SSR1: variants seen among roughly 807,000 people sequenced by gnomAD.
The protein encoded by SSR1 is translocon-associated protein subunit alpha.
Under a neutral mutation model 36.1 loss-of-function variants are expected in SSR1, and 13 were observed. The observed-to-expected ratio is 0.36, with a 90% confidence interval of 0.23 to 0.57. SSR1 has a LOEUF of 0.57. SSR1 is among the 20% of genes least tolerant of loss of function. The probability of loss-of-function intolerance (pLI) is 0.81; values close to 1 mark genes in which losing one functional copy is unlikely to be tolerated. For synonymous variants in SSR1, 113 were observed against 118.9 expected (o/e 0.95, Z 0.32); for missense variants, 291 against 338.5 (o/e 0.86, Z 1.10).
intron 6 of SSR1, 70 bp downstream of exon 6, chr6:7,297,853 A>T (rs1436450716): frequency 8.2e-7 from 1 of 1,221,438 alleles, no homozygotes; most frequent in African/African-American, 1.5e-5. Context: ...AGGCCGAAGA[A>T]CTAGACTGCT....
At chr6:7,297,173 T>C in intron 6 of SSR1, 1 of 279,604 alleles carries the variant, frequency 3.6e-6, no homozygotes, top group South Asian at 2.7e-5. Flanking sequence ...TAAGCAAGAT[T>C]GTGCCACTGC....
chr6:7,296,107 A>G (rs1334563705), intron 6 of SSR1, among the ~76,000 whole-genome samples: 1 of 152,236 alleles, frequency 6.6e-6, no homozygotes, highest in African/African-American at 2.4e-5. Context: ...AATCTCATTA[A>G]GCTAACCACC....
intron 2 of SSR1, among the ~76,000 whole-genome samples, chr6:7,306,698 C>CCT (rs1226157641): frequency 1.3e-5 from 2 of 151,036 alleles, no homozygotes; most frequent in Non-Finnish European, 3.0e-5. Context: ...GGGCGGATCA[C>CCT]GAGGTCAGGA....
chr6:7,298,344 TAA>T (rs1434128615), intron 5 of SSR1, among the ~76,000 whole-genome samples: 3 of 152,246 alleles, frequency 2.0e-5, no homozygotes, highest in Non-Finnish European at 2.9e-5. Flanking sequence ...GAATTATATA[TAA>T]GTTTAGAGTA....
At chr6:7,298,480 A>G (rs999799712) in intron 5 of SSR1, 9 of 409,230 alleles carry the variant, frequency 2.2e-5, no homozygotes, top group East Asian at 7.9e-5. Context: ...GTTTATAAGC[A>G]TGAGGTAGAA....
At chr6:7,311,841 T>G (rs749147445) in intron 1 of SSR1, among the ~76,000 whole-genome samples, 2 of 152,346 alleles carry the variant, frequency 1.3e-5, no homozygotes, top group Non-Finnish European at 2.9e-5. Flanking sequence ...TTGAAAGTTT[T>G]TATAACTTGA....
At position 7,288,277 on chromosome 6, in the gene SSR1, C is replaced by T. The variant is rs1757598978; in HGVS notation, c.*1587G>A. The stretch of plus-strand genomic sequence containing the variant: ...ATGCAGTTACTTAGAGCTCATAGAG[C>T]TTTCTCAAAATCAACTACTGATCAT... On this transcript the variant is annotated 3_prime_UTR_variant, in exon 8 of 8. Transcript: ENST00000244763. The T allele has an allele frequency of 6.6e-6, 1 of 152,200 alleles. No individual in the cohort carries two copies. Among genetic ancestry groups the T allele is most frequent in the Admixed American group, 6.5e-5 (1 of 15,280 alleles). 9.4% of individuals were successfully genotyped at this position (152,200 alleles called of 1,614,324 possible). A position where few individuals can be genotyped will look rare whatever the true frequency, so the allele number is the denominator to read the frequency against.
In SSR1 at chr6:7,298,790, TTTGA is replaced by T; in HGVS notation, c.573_576del (p.Asn191LysfsTer12). On this transcript the variant is annotated frameshift_variant, in exon 5 of 8. Transcript: ENST00000244763. LOFTEE classifies it high-confidence loss of function. ...TCCTCTCTTTCAATAACTGTAACTG[TTTGA>T]TTGAAGACTGCATCTTGGAATACAT... is the stretch of plus-strand genomic sequence containing the variant. 2 of 1,613,470 alleles carry T rather than the reference TTTGA, an allele frequency of 1.2e-6. No individual in the cohort carries two copies. The highest frequency in any genetic ancestry group is 1.3e-5 in the African/African-American group (1 of 75,040).
rs1337750668 is a variant in SSR1 at position 7,284,851 on chromosome 6, T to G, written c.*5013A>C. ...GGCTGATACTTCAAGCATATCTCAA[T>G]TAACAAAAAAGCACATTGAGACTCC... On this transcript the variant is annotated 3_prime_UTR_variant, in exon 8 of 8. Coordinates refer to ENST00000244763, the MANE Select transcript of SSR1 (RefSeq NM_003144.5). The G allele has an allele frequency of 2.0e-5, 3 of 151,964 alleles. No individual in the cohort carries two copies. The highest frequency in any genetic ancestry group is 7.3e-5 in the African/African-American group (3 of 41,356). 9.4% of individuals were successfully genotyped at this position (151,964 alleles called of 1,614,324 possible). A position where few individuals can be genotyped will look rare whatever the true frequency, so the allele number is the denominator to read the frequency against.
At position 7,295,393 on chromosome 6, in the gene SSR1, G is replaced by C. The variant is rs778131647; in HGVS notation, c.792C>G (p.Ile264Met). The C allele has an allele frequency of 3.1e-6, 5 of 1,606,940 alleles. No homozygotes were observed. Among genetic ancestry groups the C allele is most frequent in the East Asian group, 4.5e-5 (2 of 44,744 alleles). Residue 264 changes from isoleucine (I) to methionine (M), a missense_variant and splice_region_variant, in exon 7 of 8, where the codon ATC becomes ATG. Transcript: ENST00000244763. ...AGCCAAGTCTGTAAGACTACTTACT[G>C]ATTTGATTCAATGTTTCCTGAGGAA... ...SWIPQETLNQ[I>M]NKASPRRLPR...
chr6:7,297,352 T>C (rs952291706), intron 6 of SSR1: 1 of 162,078 alleles, frequency 6.2e-6, no homozygotes, highest in Non-Finnish European at 1.4e-5. Flanking sequence ...ATTCTAGCAT[T>C]TAGAGCTACA....
chr6:7,308,779 T>C (rs1006838582), intron 2 of SSR1, among the ~76,000 whole-genome samples: 1 of 152,126 alleles, frequency 6.6e-6, no homozygotes, highest in African/African-American at 2.4e-5. Flanking sequence ...AGAGAAAATA[T>C]CTGGTTTGCC....
At position 7,301,339 on chromosome 6, in the gene SSR1, C is replaced by A. The variant is rs1234925049; in HGVS notation, c.514G>T (p.Val172Phe). The part of the protein sequence containing the change: ...EPMGGRPFGL[V>F]INLNYKDLNG... ...AAATCTTTGTAGTTCAGATTGATGA[C>A]CAAACCAAATGGTCGTCCGCCCATG... The change falls in exon 4 of 8, where the codon GTC (valine) becomes TTC (phenylalanine). Residue 172 changes from valine to phenylalanine, a missense_variant. Val to Phe is a conservative substitution (Grantham distance 50, BLOSUM62 -1). Coordinates refer to ENST00000244763, the MANE Select transcript of SSR1 (RefSeq NM_003144.5). 2 of 1,614,074 alleles carry A rather than the reference C, an allele frequency of 1.2e-6. No individual in the cohort carries two copies. The highest frequency in any genetic ancestry group is 1.7e-6 in the Non-Finnish European group (2 of 1,180,022).
chr6:7,307,289 G>A (rs1180247534), intron 2 of SSR1, among the ~76,000 whole-genome samples: 1 of 152,188 alleles, frequency 6.6e-6, no homozygotes, highest in Admixed American at 6.5e-5. Flanking sequence ...TAGTACAATG[G>A]AAGGTAATAC....
chr6:7,297,076 C>T, intron 6 of SSR1: 1 of 299,124 alleles, frequency 3.3e-6, no homozygotes, highest in South Asian at 2.4e-5. Flanking sequence ...CAAAAATTAG[C>T]TGGGTGTGGT....
chr6:7,293,762 A>G (rs1030146669), intron 7 of SSR1, among the ~76,000 whole-genome samples: 1 of 152,172 alleles, frequency 6.6e-6, no homozygotes, highest in Non-Finnish European at 1.5e-5. Flanking sequence ...GGAACCCACC[A>G]ATATACCGAG....
At chr6:7,312,443 G>T (rs1299804941) in intron 1 of SSR1, among the ~76,000 whole-genome samples, 1 of 152,188 alleles carries the variant, frequency 6.6e-6, no homozygotes, top group Non-Finnish European at 1.5e-5. Flanking sequence ...TGACGATGGG[G>T]TAGTTTTTCT....
chr6:7,286,696 G>A lies in SSR1; in HGVS notation c.*3168C>T, dbSNP rs1329627514. The A allele has an allele frequency of 1.3e-5, 2 of 152,138 alleles. No individual in the cohort carries two copies. Among genetic ancestry groups the A allele is most frequent in the Non-Finnish European group, 2.9e-5 (2 of 68,024 alleles). 9.4% of individuals were successfully genotyped at this position (152,138 alleles called of 1,614,324 possible). The stretch of plus-strand genomic sequence containing the variant: ...GGAGGCCAAGGCAGGCGTATCACCT[G>A]TGGTCAGGAGTTCAAGACCAGCCTG... On this transcript the variant is annotated 3_prime_UTR_variant, in exon 8 of 8. Coordinates refer to ENST00000244763, the MANE Select transcript of SSR1 (RefSeq NM_003144.5).
At chr6:7,294,690 CAAAT>C (rs60987991) in intron 7 of SSR1, among the ~76,000 whole-genome samples, 265 of 150,484 alleles carry the variant, frequency 1.8e-3, no homozygotes, top group African/African-American at 4.5e-3. Context: ...GATTCCATCT[CAAAT>C]AAATAAATAA....
Sources: gnomAD v4.1 joint callset for allele counts (sites outside exome capture counted in the v4.1 genomes callset) on GRCh38, gnomAD v4.1.1 for gene constraint, MANE v1.5 for transcripts, NCBI Gene and HGNC (gene_info 2026-07-23, HGNC 2026-07-21) for gene names.